Variants in MEF2C observed in about 807,000 individuals in gnomAD.
The protein encoded by MEF2C is myocyte enhancer factor 2C.
MEF2C carries 6 observed loss-of-function variants against 50.5 expected under a neutral mutation model. The ratio of observed to expected loss-of-function variants is 0.12; its 90% confidence interval spans 0.07 to 0.23. The LOEUF is 0.23. Ranked by LOEUF, MEF2C falls within the 10% of genes least tolerant of loss-of-function variation. MEF2C has a pLI of 1.00. For missense variants in MEF2C, 276 were observed against 605.0 expected, an observed-to-expected ratio of 0.46 and a Z score of 5.70; for synonymous variants, 183 against 228.0, an observed-to-expected ratio of 0.80 and a Z score of 1.78.
chr5:88,752,194 C>G (rs1251745988), intron 4 of MEF2C, among the ~76,000 whole-genome samples, 151 bp from the exon 5 acceptor site: 1 of 152,230 alleles, frequency 6.6e-6, no homozygotes, highest in Non-Finnish European at 1.5e-5. Flanking sequence ...TCAAGACGTT[C>G]AGATCATAAA....
intron 3 of MEF2C, among the ~76,000 whole-genome samples, chr5:88,794,426 G>A (rs940394099): frequency 2.6e-5 from 4 of 152,090 alleles, no homozygotes; most frequent in African/African-American, 9.7e-5. Flanking sequence ...TATGCTTGTT[G>A]GTTGCATGAA....
At chr5:88,874,528 C>G (rs1243786594) in intron 1 of MEF2C, among the ~76,000 whole-genome samples, 1 of 151,796 alleles carries the variant, frequency 6.6e-6, no homozygotes, top group Non-Finnish European at 1.5e-5. Flanking sequence ...GAAAAAGTGC[C>G]AGGTGTAGGA....
At chr5:88,812,540 G>A (rs1374930531) in intron 2 of MEF2C, among the ~76,000 whole-genome samples, 1 of 152,082 alleles carries the variant, frequency 6.6e-6, no homozygotes, top group East Asian at 1.9e-4. Context: ...GGGTTGGTTG[G>A]TGCAAGTGAA....
chr5:88,752,046 G>A lies in MEF2C; in HGVS notation c.403-3C>T. 6.3e-7 allele frequency: 1 copy of A among 1,597,246 alleles called. No individual in the cohort carries two copies. Among genetic ancestry groups the A allele is most frequent in the Non-Finnish European group, 8.5e-7 (1 of 1,170,400 alleles). ...TCGAAGTTGGGAGGTGGAACAGCCT[G>A]CAGGAACAGAAAACAAAACAAAGGT... On this transcript the variant is annotated splice_polypyrimidine_tract_variant and splice_region_variant and intron_variant, in intron 4 of 10. Transcript: ENST00000504921.
Position 88,731,756 on chromosome 5 carries a change from T to C in MEF2C, c.783A>G (p.Pro261=). The change falls in exon 7 of 11, where the codon CCA becomes CCG. Residue 261 remains proline, a synonymous_variant. Transcript: ENST00000504921. ...RKPDLRVLIP[P]GSKNTMPSVS... Reference sequence around the variant, plus strand: ...CTGATGGCATCGTATTCTTGCTGCCTGGTGGAATAAGAACTCGGAGATCTG... The same window carrying C: ...CTGATGGCATCGTATTCTTGCTGCCCGGTGGAATAAGAACTCGGAGATCTG... 2 of 1,613,370 alleles carry C rather than the reference T, an allele frequency of 1.2e-6. No homozygotes were observed. The highest frequency in any genetic ancestry group is 8.5e-7 in the Non-Finnish European group (1 of 1,179,434).
chr5:88,849,516 A>G (rs1820527067), intron 1 of MEF2C, among the ~76,000 whole-genome samples: 1 of 152,246 alleles, frequency 6.6e-6, no homozygotes, highest in South Asian at 2.1e-4. Context: ...AAAAGTTTGA[A>G]CATATTTATT....
chr5:88,841,841 C>T (rs529091160), intron 1 of MEF2C, among the ~76,000 whole-genome samples: 2 of 152,282 alleles, frequency 1.3e-5, no homozygotes, highest in South Asian at 2.1e-4. Context: ...CCTGGTGGAA[C>T]GTACACACTC....
At chr5:88,861,264 T>G (rs978038768) in intron 1 of MEF2C, among the ~76,000 whole-genome samples, 10 of 152,240 alleles carry the variant, frequency 6.6e-5, no homozygotes, top group Admixed American at 2.0e-4. Flanking sequence ...TCAAACACTT[T>G]TTAAAAACAC....
At chr5:88,866,272 C>CAA (rs1305296839) in intron 1 of MEF2C, among the ~76,000 whole-genome samples, 2 of 152,208 alleles carry the variant, frequency 1.3e-5, no homozygotes, top group Non-Finnish European at 2.9e-5. Context: ...GTAATCCAAA[C>CAA]AAGCATTTCA....
In MEF2C at chr5:88,747,333, C is replaced by CTTTTTTTTTTTTT. The variant is rs950842424; in HGVS notation, c.637+1724_637+1736dup. Among the ~76,000 whole-genome samples the CTTTTTTTTTTTTT allele has an allele frequency of 4.1e-4, 9 of 21,750 alleles. 2 individuals are homozygous for CTTTTTTTTTTTTT. Among genetic ancestry groups the CTTTTTTTTTTTTT allele is most frequent in the African/African-American group, 9.9e-4 (9 of 9,052 alleles). The allele number at this position is 21,750 out of a possible 152,430, so 14.3% of individuals were successfully genotyped here. The stretch of plus-strand genomic sequence containing the variant: ...CTCCACATTTTTTTTTTTTTTACTA[C>CTTTTTTTTTTTTT]TTTTTTTTTTTTTTTTTTTTTTTTT... On this transcript the variant is annotated intron_variant, in intron 6 of 10. Coordinates refer to ENST00000504921, the MANE Select transcript of MEF2C (RefSeq NM_002397.5).
At chr5:88,867,182 T>G (rs1224085002) in intron 1 of MEF2C, among the ~76,000 whole-genome samples, 1 of 152,218 alleles carries the variant, frequency 6.6e-6, no homozygotes, top group Non-Finnish European at 1.5e-5. Flanking sequence ...AATACACTTC[T>G]TTTTAAAAAC....
intron 4 of MEF2C, among the ~76,000 whole-genome samples, chr5:88,760,521 GT>G (rs1191742773): frequency 6.6e-6 from 1 of 152,216 alleles, no homozygotes; most frequent in African/African-American, 2.4e-5. Flanking sequence ...AGGGGCTGAA[GT>G]TTTATTCAGA....
intron 1 of MEF2C, among the ~76,000 whole-genome samples, chr5:88,892,678 G>A (rs569349067): frequency 6.6e-6 from 1 of 151,842 alleles, no homozygotes; most frequent in Non-Finnish European, 1.5e-5. Flanking sequence ...TTTCTTTTTT[G>A]GGGGGATGCT....
intron 4 of MEF2C, among the ~76,000 whole-genome samples, chr5:88,758,536 C>T (rs184509647): frequency 6.6e-6 from 1 of 152,250 alleles, no homozygotes; most frequent in East Asian, 1.9e-4. Flanking sequence ...CAAACTGGGT[C>T]TTCGAAATAG....
intron 6 of MEF2C, chr5:88,743,213 T>C (rs1052897453): frequency 1.9e-5 from 19 of 981,104 alleles, no homozygotes; most frequent in Non-Finnish European, 2.2e-5. Context: ...AGTATCTTTC[T>C]CCCTTTCTTG....
At chr5:88,784,682 C>G (rs1789959302) in intron 3 of MEF2C, among the ~76,000 whole-genome samples, 1 of 152,034 alleles carries the variant, frequency 6.6e-6, no homozygotes. Flanking sequence ...TAATAATTTC[C>G]CAAACTGAAT....
intron 1 of MEF2C, among the ~76,000 whole-genome samples, chr5:88,896,312 G>A (rs1316988916): frequency 6.6e-6 from 1 of 152,192 alleles, no homozygotes; most frequent in African/African-American, 2.4e-5. Context: ...TAGTGACTAT[G>A]TTGTCACTCA....
chr5:88,726,941 T>C (rs1759085204), intron 10 of MEF2C, among the ~76,000 whole-genome samples: 1 of 152,138 alleles, frequency 6.6e-6, no homozygotes, highest in Non-Finnish European at 1.5e-5. Flanking sequence ...TTGACATTGA[T>C]AACTTTTAGG....
At chr5:88,896,155 G>T (rs919563936) in intron 1 of MEF2C, among the ~76,000 whole-genome samples, 1 of 152,172 alleles carries the variant, frequency 6.6e-6, no homozygotes, top group African/African-American at 2.4e-5. Context: ...ATTGGAAGAT[G>T]AACTCTCTAT....
Sources: allele counts gnomAD v4.1 joint callset (sites outside exome capture counted in the v4.1 genomes callset), GRCh38; gene constraint gnomAD v4.1.1; transcripts MANE v1.5; gene names NCBI Gene and HGNC (gene_info 2026-07-23, HGNC 2026-07-21).